PDE10A: variants seen among roughly 807,000 people sequenced by gnomAD.
PDE10A encodes the protein phosphodiesterase 10A.
In PDE10A, 39 loss-of-function variants were observed where a neutral mutation model predicts 97.7. The ratio of observed to expected loss-of-function variants is 0.40; its 90% CI spans 0.31 to 0.52. PDE10A has a LOEUF of 0.52. Among genes scored for constraint, PDE10A ranks in the 20% least tolerant of loss-of-function variants. PDE10A has a pLI of 0.56. For missense variants in PDE10A, 731 were observed against 1,047.8 expected (o/e 0.70, Z 4.17); for synonymous variants, 371 against 376.8 (o/e 0.98, Z 0.18).
chr6:165,456,619 C>A (rs1283572651), intron 3 of PDE10A, among the ~76,000 whole-genome samples: 1 of 152,134 alleles, frequency 6.6e-6, no homozygotes, highest in South Asian at 2.1e-4. Flanking sequence ...TTTCATTTCA[C>A]GTCTCTGGGC....
chr6:165,843,209 G>A (rs1280359205), intron 1 of PDE10A, among the ~76,000 whole-genome samples: 1 of 152,216 alleles, frequency 6.6e-6, no homozygotes, highest in Non-Finnish European at 1.5e-5. Flanking sequence ...GCAAAGGACT[G>A]CACAGCAACA....
chr6:165,622,506 A>G (rs1788192271), intron 1 of PDE10A, among the ~76,000 whole-genome samples: 1 of 152,188 alleles, frequency 6.6e-6, no homozygotes, highest in Admixed American at 6.5e-5. Flanking sequence ...ACTGTAACAC[A>G]ATGCTAAGGA....
At chr6:165,966,406 C>G (rs1784512344) in intron 1 of PDE10A, among the ~76,000 whole-genome samples, 1 of 152,226 alleles carries the variant, frequency 6.6e-6, no homozygotes, top group Non-Finnish European at 1.5e-5. Flanking sequence ...GACCATGTGT[C>G]TCGCTGTAGC....
At chr6:165,444,048 G>C (rs958594478) in intron 5 of PDE10A, among the ~76,000 whole-genome samples, 1 of 152,092 alleles carries the variant, frequency 6.6e-6, no homozygotes, top group African/African-American at 2.4e-5. Context: ...AAACTTTTAC[G>C]TTCTGCTTCC....
At chr6:165,494,975 T>C (rs1422370284) in intron 2 of PDE10A, among the ~76,000 whole-genome samples, 1 of 152,194 alleles carries the variant, frequency 6.6e-6, no homozygotes, top group Non-Finnish European at 1.5e-5. Context: ...GATAAGTATT[T>C]CTATGAACAT....
At chr6:165,934,181 G>A (rs1465482553) in intron 1 of PDE10A, among the ~76,000 whole-genome samples, 1 of 107,892 alleles carries the variant, frequency 9.3e-6, no homozygotes, top group Non-Finnish European at 1.9e-5. Context: ...TGTACTTTTA[G>A]TGGAGATGGG....
intron 1 of PDE10A, among the ~76,000 whole-genome samples, chr6:165,855,590 AAG>A (rs71712727): frequency 0.21 from 32,479 of 151,402 alleles, 3,922 homozygotes; most frequent in Non-Finnish European, 0.28. Flanking sequence ...TTCCTCATGA[AAG>A]AGGAACAGAA....
rs1196835414 is a variant in PDE10A at position 165,662,444 on chromosome 6, G to C, written c.368C>G (p.Pro123Arg). The C allele has an allele frequency of 1.3e-5, 2 of 150,042 alleles. No individual in the cohort carries two copies. The highest frequency in any genetic ancestry group is 2.5e-5 in the African/African-American group (1 of 40,800). 9.3% of individuals were successfully genotyped at this position (150,042 alleles called of 1,614,324 possible). Residue 123 changes from proline (P) to arginine (R), a missense_variant, in exon 1 of 22, where the codon CCC (proline) becomes CGC (arginine). Physicochemically the swap from Pro to Arg is moderately radical, Grantham distance 103 (BLOSUM62 -2). This residue lies in a region of PDE10A where 181 missense variants were observed against 159.1 expected (regional missense o/e 1.14). Coordinates refer to ENST00000539869, the MANE Select transcript of PDE10A (RefSeq NM_001385079.1). The part of the protein sequence containing the change: ...PSFFYFWPPP[P>R]PPPPSFLPSS... The stretch of plus-strand genomic sequence containing the variant: ...GGGGAGAAAAGAGGGAGGGGGCGGG[G>C]GGGGCGGCGGCCAGAAGTAAAAGAA...
At chr6:165,589,891 T>G (rs1330054558) in intron 1 of PDE10A, among the ~76,000 whole-genome samples, 9 of 152,148 alleles carry the variant, frequency 5.9e-5, no homozygotes, top group Non-Finnish European at 1.3e-4. Context: ...TCAGATACAT[T>G]TAAAACTCTA....
At chr6:165,890,322 C>A (rs11754381) in intron 1 of PDE10A, among the ~76,000 whole-genome samples, 28,811 of 151,976 alleles carry the variant, frequency 0.19, 3,045 homozygotes, top group East Asian at 0.37. Flanking sequence ...AGGAAGGTGG[C>A]CTGACCCTGT....
At position 165,568,141 on chromosome 6, in the gene PDE10A, A is replaced by G. The variant is rs558592873; in HGVS notation, c.866-24573T>C. Reference sequence around the variant, plus strand: ...AGCCTCCCGAGTAGCTGGGACTACAAGCGCCCGCCACCACGCCTGGCTAAT... The same window carrying G: ...AGCCTCCCGAGTAGCTGGGACTACAGGCGCCCGCCACCACGCCTGGCTAAT... On this transcript the variant is annotated intron_variant, in intron 1 of 21. Coordinates refer to ENST00000539869, the MANE Select transcript of PDE10A (RefSeq NM_001385079.1). Among the ~76,000 whole-genome samples, 186 of 151,646 alleles carry G rather than the reference A, an allele frequency of 1.2e-3. 1 individual carries two copies. The highest frequency in any genetic ancestry group is 4.0e-3 in the African/African-American group (165 of 41,384).
chr6:165,528,646 G>A (rs990661681), intron 2 of PDE10A, among the ~76,000 whole-genome samples: 1 of 152,224 alleles, frequency 6.6e-6, no homozygotes, highest in African/African-American at 2.4e-5. Context: ...TGGATTCACA[G>A]AATGCTTTAT....
intron 8 of PDE10A, 85 bp from the exon 9 acceptor site, chr6:165,430,430 A>G (rs1789468452): frequency 2.5e-6 from 2 of 812,820 alleles, no homozygotes. Context: ...TACCTTATTT[A>G]TTGAAAGAAG....
intron 2 of PDE10A, among the ~76,000 whole-genome samples, chr6:165,496,508 G>C (rs1380135234): frequency 6.6e-6 from 1 of 152,146 alleles, no homozygotes; most frequent in Non-Finnish European, 1.5e-5. Flanking sequence ...AATGAGATAT[G>C]GATAATTCTT....
chr6:165,728,705 T>G (rs1792355560), intron 1 of PDE10A, among the ~76,000 whole-genome samples: 1 of 152,108 alleles, frequency 6.6e-6, no homozygotes, highest in South Asian at 2.1e-4. Flanking sequence ...TATTCTGATA[T>G]AAGACACCAG....
At chr6:165,604,929 G>A (rs1006139889) in intron 1 of PDE10A, among the ~76,000 whole-genome samples, 5 of 152,168 alleles carry the variant, frequency 3.3e-5, no homozygotes, top group African/African-American at 1.2e-4. Context: ...AAACTTGACA[G>A]TTAAAAAACA....
At chr6:165,517,292 A>G (rs759794093) in intron 2 of PDE10A, among the ~76,000 whole-genome samples, 14 of 152,180 alleles carry the variant, frequency 9.2e-5, no homozygotes, top group Non-Finnish European at 1.5e-4. Flanking sequence ...ACAAGTCTTA[A>G]ATAGACTCAA....
intron 2 of PDE10A, among the ~76,000 whole-genome samples, chr6:165,531,653 C>T (rs1166658154): frequency 6.6e-6 from 1 of 152,106 alleles, no homozygotes; most frequent in African/African-American, 2.4e-5. Context: ...TGTAAATGTA[C>T]CTATAAATCC....
chr6:165,773,626 G>A lies in PDE10A; in HGVS notation c.-615+213903C>T, dbSNP rs530831398. Among the ~76,000 whole-genome samples the A allele has an allele frequency of 5.3e-5, 8 of 152,210 alleles. No homozygotes were observed. In the East Asian group the frequency reaches 5.8e-4, roughly 11 times the overall value. On this transcript the variant is annotated intron_variant, in intron 1 of 19. Transcript: ENST00000366882. ...GACAAACAAGGCCCCTGACTCAAGC[G>A]CATGCAATAAACGAATTCACTATTG...
Sources: allele counts gnomAD v4.1 joint callset (sites outside exome capture counted in the v4.1 genomes callset), GRCh38; gene constraint gnomAD v4.1.1; regional missense constraint gnomAD v4.1.1; transcripts MANE v1.5; gene names NCBI Gene and HGNC (gene_info 2026-07-23, HGNC 2026-07-21).